The following ZNF724 variants were observed in gnomAD, a reference collection of about 807,000 sequenced individuals.
ZNF724 encodes the protein zinc finger protein 724, also known as zinc finger protein 724 pseudogene.
In ZNF724, 14 loss-of-function variants were observed where a neutral mutation model predicts 29.3. The ratio of observed to expected loss-of-function variants is 0.48; its 90% CI spans 0.32 to 0.75. The LOEUF is 0.75. ZNF724 is among the 30% of genes least tolerant of loss of function. The probability of loss-of-function intolerance (pLI) is 0.04; values close to 1 mark genes in which losing one functional copy is unlikely to be tolerated. For synonymous variants in ZNF724, 180 were observed against 193.6 expected (o/e 0.93, Z 0.58); for missense variants, 557 against 571.2 (o/e 0.98, Z 0.25).
chr19:23,238,885 C>T (rs1480476758), intron 1 of ZNF724, among the ~76,000 whole-genome samples: 10 of 152,138 alleles, frequency 6.6e-5, no homozygotes, highest in African/African-American at 1.4e-4. Flanking sequence ...CCAGCCTGGG[C>T]GTCAGAGTGA....
intron 3 of ZNF724, among the ~76,000 whole-genome samples, chr19:23,225,634 TG>T (rs1361661085): frequency 1.3e-5 from 2 of 151,948 alleles, no homozygotes; most frequent in Non-Finnish European, 2.9e-5. Flanking sequence ...AAAAACCACT[TG>T]TAAAATTCTA....
At position 23,232,249 on chromosome 19, in the gene ZNF724, C is replaced by T. The variant is rs1971948757; in HGVS notation, c.48G>A (p.Glu16=). The T allele has an allele frequency of 7.8e-7, 1 of 1,284,268 alleles. No individual in the cohort carries two copies. The highest frequency in any genetic ancestry group is 1.2e-5 in the South Asian group (1 of 84,196). 79.6% of individuals were successfully genotyped at this position (1,284,268 alleles called of 1,614,324 possible). ...FMDVAIEFSV[E]EWQCLDTAQQ... ...GTGCAGTGTCCAGGCATTGCCACTC[C>T]TCCACAGAGAATTCTATGGCCACAT... is the stretch of plus-strand genomic sequence containing the variant. Residue 16 remains glutamate (E), a synonymous_variant, in exon 2 of 4, where the codon GAG becomes GAA. Transcript: ENST00000418100.
chr19:23,234,343 T>TGCCTAC (rs1971988260), intron 1 of ZNF724, among the ~76,000 whole-genome samples: 1 of 152,182 alleles, frequency 6.6e-6, no homozygotes, highest in African/African-American at 2.4e-5. Flanking sequence ...GTAATTTGAG[T>TGCCTAC]GCCTACACCT....
intron 1 of ZNF724, among the ~76,000 whole-genome samples, chr19:23,241,357 A>G (rs1210957433): frequency 2.0e-5 from 3 of 152,230 alleles, no homozygotes; most frequent in African/African-American, 7.2e-5. Flanking sequence ...TAAAACTATT[A>G]CAAAAAATTA....
At chr19:23,244,189 C>T (rs1344265132) in intron 1 of ZNF724, among the ~76,000 whole-genome samples, 1 of 152,110 alleles carries the variant, frequency 6.6e-6, no homozygotes, top group Non-Finnish European at 1.5e-5. Context: ...AGATTATGAA[C>T]AAGTGGCCCA....
At chr19:23,247,635 T>C (rs1009855175) in intron 1 of ZNF724, among the ~76,000 whole-genome samples, 4 of 152,238 alleles carry the variant, frequency 2.6e-5, no homozygotes, top group African/African-American at 4.8e-5. Flanking sequence ...GGCAAGTTCT[T>C]GTACTAGCTC....
chr19:23,227,571 C>CAAAAAACA (rs1971859418), intron 3 of ZNF724, among the ~76,000 whole-genome samples: 11 of 118,988 alleles, frequency 9.2e-5, no homozygotes, highest in Admixed American at 3.0e-4. Flanking sequence ...AAAAAAAAAA[C>CAAAAAACA]AAAAAAAAAC....
chr19:23,223,463 T>C lies in ZNF724; in HGVS notation c.782A>G (p.Lys261Arg). 1.3e-6 allele frequency: 1 copy of C among 762,430 alleles called. No homozygotes were observed. The highest frequency in any genetic ancestry group is 2.5e-5 in the East Asian group (1 of 40,466). The allele number at this position is 762,430 out of a possible 1,614,324, so 47.2% of individuals were successfully genotyped here. ...EKSYKREECG[K>R]AFNISSHLTT... ...AAGGTGTGAGGATATGTTAAAAGCT[T>C]TTCCACATTCTTCACGTTTGTAGGA... Residue 261 changes from lysine (K) to arginine (R), a missense_variant, in exon 4 of 4, where the codon AAA becomes AGA. Coordinates refer to ENST00000418100, the MANE Select transcript of ZNF724 (RefSeq NM_001355404.2).
intron 1 of ZNF724, among the ~76,000 whole-genome samples, chr19:23,243,420 G>A (rs1319023530): frequency 1.5e-5 from 2 of 136,292 alleles, no homozygotes; most frequent in African/African-American, 5.7e-5. Context: ...AGGTTGCAGT[G>A]AGCTGAGATC....
chr19:23,249,630 A>G (rs982331566), intron 1 of ZNF724, among the ~76,000 whole-genome samples: 1 of 151,528 alleles, frequency 6.6e-6, no homozygotes, highest in Non-Finnish European at 1.5e-5. Flanking sequence ...CGAACTCCTG[A>G]CCTCGTAATC....
intron 1 of ZNF724, chr19:23,242,617 G>C (rs1294916804): frequency 6.6e-6 from 1 of 151,664 alleles, no homozygotes; most frequent in Non-Finnish European, 1.5e-5. Context: ...GGGAGGCTGA[G>C]GCAGGAGAAT....
chr19:23,249,024 AAG>A, intron 1 of ZNF724, among the ~76,000 whole-genome samples: 2 of 44,268 alleles, frequency 4.5e-5, no homozygotes, highest in Non-Finnish European at 1.4e-4. Context: ...AAAAACTAAG[AAG>A]AAGAAAAGAG....
At chr19:23,240,238 C>T (rs527831520) in intron 1 of ZNF724, among the ~76,000 whole-genome samples, 90 of 145,172 alleles carry the variant, frequency 6.2e-4, no homozygotes, top group African/African-American at 2.2e-3. Context: ...ATTACTTGAA[C>T]GCAGGAGGTG....
intron 3 of ZNF724, among the ~76,000 whole-genome samples, chr19:23,230,381 T>C (rs1223874926): frequency 6.6e-6 from 1 of 152,140 alleles, no homozygotes; most frequent in African/African-American, 2.4e-5. Flanking sequence ...AACACAATCA[T>C]AAAATTTACT....
chr19:23,238,540 G>C (rs549057482), intron 1 of ZNF724, among the ~76,000 whole-genome samples: 47 of 152,242 alleles, frequency 3.1e-4, no homozygotes, highest in Middle Eastern at 3.4e-3. Context: ...CTTCAATAAA[G>C]AGAGATGAAC....
At chr19:23,225,629 C>A (rs570138432) in intron 3 of ZNF724, among the ~76,000 whole-genome samples, 2 of 152,060 alleles carry the variant, frequency 1.3e-5, no homozygotes, top group African/African-American at 4.8e-5. Context: ...CAAACAAAAA[C>A]CACTTGTAAA....
At chr19:23,248,539 G>C (rs1283246019) in intron 1 of ZNF724, among the ~76,000 whole-genome samples, 2 of 151,512 alleles carry the variant, frequency 1.3e-5, no homozygotes, top group Non-Finnish European at 2.9e-5. Flanking sequence ...TGGAAATCTA[G>C]GCCCTGGATT....
chr19:23,234,827 T>C (rs961953878), intron 1 of ZNF724, among the ~76,000 whole-genome samples: 1 of 152,184 alleles, frequency 6.6e-6, no homozygotes, highest in African/African-American at 2.4e-5. Context: ...TTCTGCAGGT[T>C]TTCAAAGGGT....
At chr19:23,235,423 G>A (rs1239357341) in intron 1 of ZNF724, among the ~76,000 whole-genome samples, 2 of 152,150 alleles carry the variant, frequency 1.3e-5, no homozygotes, top group Non-Finnish European at 2.9e-5. Flanking sequence ...AGCAACTACT[G>A]GATCTGCAGA....
Sources: allele counts gnomAD v4.1 joint callset (sites outside exome capture counted in the v4.1 genomes callset), GRCh38; gene constraint gnomAD v4.1.1; transcripts MANE v1.5; gene names NCBI Gene and HGNC (gene_info 2026-07-23, HGNC 2026-07-21).